Variants in CAMKK1 observed in about 807,000 individuals in gnomAD.
The protein encoded by CAMKK1 is calcium/calmodulin dependent protein kinase kinase 1, also known as calcium/calmodulin-dependent protein kinase kinase 1.
Under a neutral mutation model 63.5 loss-of-function variants are expected in CAMKK1, and 20 were observed. The ratio of observed to expected loss-of-function variants is 0.32; its 90% confidence interval spans 0.22 to 0.46. The LOEUF is 0.46. Among genes scored for constraint, CAMKK1 ranks in the 20% least tolerant of loss-of-function variants. CAMKK1 has a pLI of 1.00. For synonymous variants in CAMKK1, 253 were observed against 269.0 expected, an observed-to-expected ratio of 0.94 and a Z score of 0.58; for missense variants, 588 against 658.1, an observed-to-expected ratio of 0.89 and a Z score of 1.17.
In CAMKK1 at chr17:3,876,298, C is replaced by T; in HGVS notation, c.921G>A (p.Leu307=). The change falls in exon 10 of 16, where the codon CTG becomes CTA. Residue 307 remains leucine, a synonymous_variant. Transcript: ENST00000348335. ...SNQFEGNDAQ[L]SSTAGTPAFM... is the part of the protein sequence containing the mutation. ...ATGCTGGGGTTCCCGCCGTGCTGGACAGCTGAGCGTCGTTCCCCTCAAACT... is the reference window on the plus strand; with the variant it reads ...ATGCTGGGGTTCCCGCCGTGCTGGATAGCTGAGCGTCGTTCCCCTCAAACT... 1 of 1,614,250 alleles carries T rather than the reference C, an allele frequency of 6.2e-7. No homozygotes were observed. The highest frequency in any genetic ancestry group is 8.5e-7 in the Non-Finnish European group (1 of 1,180,060).
intron 13 of CAMKK1, 52 bp downstream of exon 13, chr17:3,869,749 T>C: frequency 6.2e-7 from 1 of 1,603,480 alleles, no homozygotes; most frequent in Admixed American, 1.7e-5. Context: ...AAAGGGAAAG[T>C]GACTCCTGTT....
chr17:3,870,884 A>G (rs1156691231), intron 12 of CAMKK1, among the ~76,000 whole-genome samples: 2 of 152,096 alleles, frequency 1.3e-5, no homozygotes, highest in Non-Finnish European at 2.9e-5. Flanking sequence ...CAGGGAGGGA[A>G]GGCAACCACA....
At chr17:3,873,301 TG>T in intron 11 of CAMKK1, 107 bp downstream of exon 11, 1 of 922,344 alleles carries the variant, frequency 1.1e-6, no homozygotes, top group Non-Finnish European at 1.7e-6. Context: ...CTGAGCCAGG[TG>T]GGCTCTTTCA....
intron 1 of CAMKK1, among the ~76,000 whole-genome samples, chr17:3,888,661 T>C (rs1253523145): frequency 6.6e-6 from 1 of 152,202 alleles, no homozygotes; most frequent in Non-Finnish European, 1.5e-5. Context: ...CGGGACACGC[T>C]GAGGCCCAGA....
At chr17:3,875,410 T>G (rs1042289182) in intron 10 of CAMKK1, among the ~76,000 whole-genome samples, 1 of 151,734 alleles carries the variant, frequency 6.6e-6, no homozygotes, top group African/African-American at 2.4e-5. Flanking sequence ...GCCTCCCAAG[T>G]AGCTGGGACT....
chr17:3,881,545 C>G (rs1369383928), intron 8 of CAMKK1, 82 bp downstream of exon 8: 1 of 1,354,986 alleles, frequency 7.4e-7, no homozygotes, highest in Non-Finnish European at 1.0e-6. Flanking sequence ...GAGTAGCTGA[C>G]CCCTGGGCTG....
intron 10 of CAMKK1, among the ~76,000 whole-genome samples, 157 bp from the exon 11 acceptor site, chr17:3,873,619 C>T (rs564031226): frequency 1.2e-4 from 19 of 152,260 alleles, no homozygotes; most frequent in African/African-American, 2.9e-4. Flanking sequence ...TGCTGGGCCC[C>T]GTGCTGAGTG....
At chr17:3,864,180 G>A (rs1201656424) in intron 15 of CAMKK1, among the ~76,000 whole-genome samples, 2 of 150,858 alleles carry the variant, frequency 1.3e-5, no homozygotes, top group Non-Finnish European at 2.9e-5. Context: ...TGAACTCCTG[G>A]CCTCAAGCAA....
At chr17:3,881,945 A>G (rs2055425731) in intron 7 of CAMKK1, 6 of 541,842 alleles carry the variant, frequency 1.1e-5, no homozygotes, top group Admixed American at 3.3e-5. Flanking sequence ...CCTAAAGGTC[A>G]TAGCAGACAG....
At chr17:3,872,459 G>T in intron 12 of CAMKK1, 95 bp downstream of exon 12, 2 of 984,346 alleles carry the variant, frequency 2.0e-6, no homozygotes, top group Non-Finnish European at 3.2e-6. Flanking sequence ...ATATCTGCAG[G>T]CTGGGGTGGG....
At chr17:3,886,205 C>T (rs756745595) in intron 1 of CAMKK1, among the ~76,000 whole-genome samples, 1 of 152,226 alleles carries the variant, frequency 6.6e-6, no homozygotes. Flanking sequence ...GCTGATGCTT[C>T]AGACCCACCC....
At chr17:3,867,651 G>C (rs1279724960) in intron 14 of CAMKK1, among the ~76,000 whole-genome samples, 1 of 152,130 alleles carries the variant, frequency 6.6e-6, no homozygotes, top group African/African-American at 2.4e-5. Context: ...CGACCCCACA[G>C]AGTCAAGTAA....
At chr17:3,872,768 T>G in intron 11 of CAMKK1, 141 bp from the exon 12 acceptor site, 1 of 663,600 alleles carries the variant, frequency 1.5e-6, no homozygotes, top group Non-Finnish European at 2.7e-6. Context: ...CAACTCACAC[T>G]GTAAATGTTC....
chr17:3,864,552 G>C (rs984741474), intron 15 of CAMKK1, among the ~76,000 whole-genome samples: 1 of 152,172 alleles, frequency 6.6e-6, no homozygotes, highest in African/African-American at 2.4e-5. Context: ...GGCCGTGCTG[G>C]CATAATTATT....
chr17:3,866,081 C>A, intron 14 of CAMKK1, 70 bp from the exon 15 acceptor site: 25 of 1,567,152 alleles, frequency 1.6e-5, no homozygotes, highest in Non-Finnish European at 2.0e-5. Context: ...TGCTCCGATT[C>A]CCCGAGAGCA....
chr17:3,865,468 C>T, intron 15 of CAMKK1: 1 of 1,006,960 alleles, frequency 9.9e-7, no homozygotes, highest in Non-Finnish European at 1.2e-6. Context: ...GAGGGGCCAG[C>T]ACCCCTCCTC....
intron 9 of CAMKK1, among the ~76,000 whole-genome samples, chr17:3,877,725 A>G (rs563043104): frequency 6.6e-6 from 1 of 152,164 alleles, no homozygotes; most frequent in Non-Finnish European, 1.5e-5. Context: ...GGAATCTGAC[A>G]CACCCTTCAG....
rs1023640505 is a variant in CAMKK1 at position 3,887,624 on chromosome 17, G to A, written c.-43-1894C>T. On this transcript the variant is annotated intron_variant, in intron 1 of 15. Coordinates refer to ENST00000348335, the MANE Select transcript of CAMKK1 (RefSeq NM_032294.3). This position sits in a 1 kb window ranked among gnomAD's most constrained non-coding sequence, Gnocchi z 6.1. ...GGACAGGGAGTGGGGCTGTGGCACA[G>A]GGAGGCCTCCCTGGAGGAGGTGAGA... Among the ~76,000 whole-genome samples, 5 of 149,802 alleles carry A rather than the reference G, an allele frequency of 3.3e-5. No individual in the cohort carries two copies. The highest frequency in any genetic ancestry group is 4.9e-5 in the African/African-American group (2 of 40,626).
Position 3,870,586 on chromosome 17 carries a change from C to T in CAMKK1, c.1125-698G>A, listed in dbSNP as rs369805306. On this transcript the variant is annotated intron_variant, in intron 12 of 15. Coordinates refer to ENST00000348335, the MANE Select transcript of CAMKK1 (RefSeq NM_032294.3). ...TTCACCGTGTTAGCCAGGATGATCT[C>T]GATCTCCTGATCTCATGATCCGCCT... Among the ~76,000 whole-genome samples, 25 of 152,192 alleles carry T rather than the reference C, an allele frequency of 1.6e-4. 1 individual carries two copies. In the East Asian group the frequency reaches 3.3e-3, roughly 20 times the overall value.
Sources: allele counts gnomAD v4.1 joint callset (sites outside exome capture counted in the v4.1 genomes callset), GRCh38; gene constraint gnomAD v4.1.1; non-coding constraint Gnocchi (gnomAD v3.1); transcripts MANE v1.5; gene names NCBI Gene and HGNC (gene_info 2026-07-23, HGNC 2026-07-21).